The following CCNB1IP1 variants were observed in gnomAD, a reference collection of about 807,000 sequenced individuals.
The protein encoded by CCNB1IP1 is E3 ubiquitin-protein ligase CCNB1IP1.
A neutral mutation model predicts 25.6 loss-of-function variants in CCNB1IP1; 14 were observed. The observed-to-expected ratio is 0.55, with a 90% CI of 0.36 to 0.85. CCNB1IP1 has a LOEUF of 0.85. Ranked by LOEUF, CCNB1IP1 falls within the 40% of genes least tolerant of loss-of-function variation. CCNB1IP1 has a pLI of 0.01. For synonymous variants in CCNB1IP1, 119 were observed against 116.1 expected, an observed-to-expected ratio of 1.02 and a Z score of -0.16; for missense variants, 278 against 342.4, an observed-to-expected ratio of 0.81 and a Z score of 1.48.
Position 20,330,131 on chromosome 14 carries a change from C to T in CCNB1IP1, c.-430-758G>A, listed in dbSNP as rs1464011042. ...AAAAAAAAAAAAACAAAAAACATGTCCTTTGCAGCAACTGGAGCTGCTGGA... is the reference window on the plus strand; with the variant it reads ...AAAAAAAAAAAAACAAAAAACATGTTCTTTGCAGCAACTGGAGCTGCTGGA... On this transcript the variant is annotated intron_variant, in intron 1 of 6. Transcript: ENST00000358932. 2.0e-5 allele frequency among the ~76,000 whole-genome samples: 3 copies of T among 148,898 alleles called. No homozygotes were observed. In the East Asian group the frequency reaches 5.8e-4, roughly 29 times the overall value.
At chr14:20,320,454 T>A in intron 4 of CCNB1IP1, 1 of 364,552 alleles carries the variant, frequency 2.7e-6, no homozygotes, top group South Asian at 2.0e-5. Context: ...ATGTATTTCA[T>A]TTGCTTTTAG....
At chr14:20,315,448 T>G (rs1039227780) in intron 5 of CCNB1IP1, 2 of 1,054,070 alleles carry the variant, frequency 1.9e-6, no homozygotes, top group South Asian at 2.5e-5. Context: ...ACCAAAGGAG[T>G]TGAAAAATAG....
At position 20,320,803 on chromosome 14, in the gene CCNB1IP1, T is replaced by TAAAA. The variant is rs1882867502; in HGVS notation, c.-37-4244_-37-4243insTTTT. On this transcript the variant is annotated intron_variant, in intron 4 of 6. Transcript: ENST00000358932. ...CTGGGCAACAAAGCCAGACTCCGTCTCAAAAAAAAAAAAAAAAAAATTATA... is the reference window on the plus strand; with the variant it reads ...CTGGGCAACAAAGCCAGACTCCGTCTAAAACAAAAAAAAAAAAAAAAAAATTATA... Among the ~76,000 whole-genome samples, 5 of 84,404 alleles carry TAAAA rather than the reference T, an allele frequency of 5.9e-5. 1 individual carries two copies. In the East Asian group the frequency reaches 1.5e-3, roughly 25 times the overall value. The allele number at this position is 84,404 out of a possible 152,430, so 55.4% of individuals were successfully genotyped here. A position where few individuals can be genotyped will look rare whatever the true frequency, so the allele number is the denominator to read the frequency against.
At chr14:20,315,039 T>C (rs1439658331) in intron 5 of CCNB1IP1, among the ~76,000 whole-genome samples, 4 of 133,906 alleles carry the variant, frequency 3.0e-5, no homozygotes, top group African/African-American at 5.7e-5. Context: ...TGCAGTGAGC[T>C]GAGATCGCGC....
At chr14:20,320,677 C>T (rs1372017302) in intron 4 of CCNB1IP1, among the ~76,000 whole-genome samples, 3 of 151,552 alleles carry the variant, frequency 2.0e-5, no homozygotes, top group African/African-American at 7.3e-5. Flanking sequence ...TGGTGGCAGG[C>T]ACCTGTAATC....
chr14:20,312,706 G>A (rs1882540153), intron 6 of CCNB1IP1, among the ~76,000 whole-genome samples: 1 of 151,632 alleles, frequency 6.6e-6, no homozygotes, highest in South Asian at 2.1e-4. Flanking sequence ...AGCTCAGGAA[G>A]ATATGAGATT....
At chr14:20,332,352 G>A (rs1212825784) in intron 1 of CCNB1IP1, among the ~76,000 whole-genome samples, 1 of 151,704 alleles carries the variant, frequency 6.6e-6, no homozygotes, top group Non-Finnish European at 1.5e-5. Context: ...AAATTAACAT[G>A]TACCAAAAGA....
At chr14:20,315,136 CAAAAAAAAAA>C (rs1159450735) in intron 5 of CCNB1IP1, among the ~76,000 whole-genome samples, 126 of 9,066 alleles carry the variant, frequency 0.014, no homozygotes, top group East Asian at 0.033. Flanking sequence ...TACACCTCAC[CAAAAAAAAAA>C]AAAAAAAAAA....
At chr14:20,315,136 CAAAAAAAAAAAA>C (rs1159450735) in intron 5 of CCNB1IP1, among the ~76,000 whole-genome samples, 160 of 9,068 alleles carry the variant, frequency 0.018, no homozygotes, top group Non-Finnish European at 0.027. Flanking sequence ...TACACCTCAC[CAAAAAAAAAAAA>C]AAAAAAAAAA....
chr14:20,315,968 G>A, intron 5 of CCNB1IP1: 1 of 479,934 alleles, frequency 2.1e-6, no homozygotes, highest in South Asian at 2.3e-5. Context: ...ACAGAAGAGA[G>A]AGAGAGTGTG....
chr14:20,326,335 A>G lies in CCNB1IP1; in HGVS notation c.-153+381T>C, dbSNP rs1370296227. ...ACAAAAGATCAAAGCACAACAAAACATTAGTCTCAAATTCATAATTTATTA... is the reference window on the plus strand; with the variant it reads ...ACAAAAGATCAAAGCACAACAAAACGTTAGTCTCAAATTCATAATTTATTA... On this transcript the variant is annotated intron_variant, in intron 3 of 6. Transcript: ENST00000358932. The G allele has an allele frequency of 1.4e-5, 5 of 365,096 alleles. No individual in the cohort carries two copies. The East Asian group carries it at 3.1e-4, about 23-fold the overall frequency. The allele number at this position is 365,096 out of a possible 1,614,324, so 22.6% of individuals were successfully genotyped here.
chr14:20,324,332 G>A (rs1882996546), intron 4 of CCNB1IP1, among the ~76,000 whole-genome samples: 1 of 152,058 alleles, frequency 6.6e-6, no homozygotes, highest in Admixed American at 6.5e-5. Context: ...GATTACAGGT[G>A]CACGCCACCA....
intron 5 of CCNB1IP1, chr14:20,315,488 GA>G (rs1882661285): frequency 8.9e-7 from 1 of 1,125,584 alleles, no homozygotes; most frequent in African/African-American, 1.7e-5. Flanking sequence ...AACTTACCCA[GA>G]AAAATATAAT....
chr14:20,324,702 C>T (rs1381439493), intron 4 of CCNB1IP1, among the ~76,000 whole-genome samples: 4 of 152,156 alleles, frequency 2.6e-5, no homozygotes, highest in Non-Finnish European at 4.4e-5. Flanking sequence ...AAAACTAAGA[C>T]ATAGATATTA....
chr14:20,315,302 G>A (rs1490499620), intron 5 of CCNB1IP1, among the ~76,000 whole-genome samples: 1 of 152,096 alleles, frequency 6.6e-6, no homozygotes, highest in African/African-American at 2.4e-5. Context: ...CAAAGATGTG[G>A]AGCAACAGGA....
chr14:20,328,097 A>G (rs1450350178), intron 2 of CCNB1IP1, among the ~76,000 whole-genome samples: 2 of 152,244 alleles, frequency 1.3e-5, no homozygotes, highest in Non-Finnish European at 2.9e-5. Flanking sequence ...ATCATTCTTT[A>G]GAAATCCTAT....
At chr14:20,317,294 T>C (rs965808666) in intron 4 of CCNB1IP1, among the ~76,000 whole-genome samples, 1 of 151,830 alleles carries the variant, frequency 6.6e-6, no homozygotes, top group Admixed American at 6.6e-5. Context: ...TAGTCCCAGC[T>C]ACTCAGGAGG....
intron 5 of CCNB1IP1, among the ~76,000 whole-genome samples, 199 bp downstream of exon 5, chr14:20,316,028 G>A (rs753110561): frequency 1.3e-5 from 2 of 152,178 alleles, no homozygotes; most frequent in African/African-American, 4.8e-5. Flanking sequence ...TTATCTCTGA[G>A]TGATGGAATT....
chr14:20,318,849 G>A (rs1463956122), intron 4 of CCNB1IP1, among the ~76,000 whole-genome samples: 1 of 152,078 alleles, frequency 6.6e-6, no homozygotes, highest in Admixed American at 6.6e-5. Flanking sequence ...TGCAACCTCC[G>A]CTTTCCGGGT....
Sources: allele counts gnomAD v4.1 joint callset (sites outside exome capture counted in the v4.1 genomes callset), GRCh38; gene constraint gnomAD v4.1.1; transcripts MANE v1.5; gene names NCBI Gene and HGNC (gene_info 2026-07-23, HGNC 2026-07-21).